NALCN: variants seen among roughly 807,000 people sequenced by gnomAD.
NALCN encodes sodium leak channel NALCN.
In NALCN, 111 loss-of-function variants were observed where a neutral mutation model predicts 225.3. That is an observed-to-expected ratio of 0.49 (90% confidence interval 0.42 to 0.58). The LOEUF (loss-of-function observed/expected upper bound fraction) is 0.58. Ranked by LOEUF, NALCN falls within the 20% of genes least tolerant of loss-of-function variation. NALCN has a pLI of 0.00. For missense variants in NALCN, 1,378 were observed against 2,202.4 expected (o/e 0.63, Z 7.49); for synonymous variants, 764 against 769.0 (o/e 0.99, Z 0.11).
At chr13:101,101,043 A>G (rs922145447) in intron 26 of NALCN, among the ~76,000 whole-genome samples, 155 bp from the exon 27 acceptor site, 1 of 152,148 alleles carries the variant, frequency 6.6e-6, no homozygotes, top group African/African-American at 2.4e-5. Context: ...AGGTCACACA[A>G]TTAGCCTTAC....
chr13:101,233,135 T>C (rs2041416941), intron 12 of NALCN, among the ~76,000 whole-genome samples: 1 of 152,150 alleles, frequency 6.6e-6, no homozygotes, highest in South Asian at 2.1e-4. Flanking sequence ...TAAAGATTTT[T>C]GATTTTGTGT....
chr13:101,375,544 T>A (rs1043150789), intron 6 of NALCN, among the ~76,000 whole-genome samples: 1 of 152,200 alleles, frequency 6.6e-6, no homozygotes, highest in African/African-American at 2.4e-5. Flanking sequence ...AACTCAATGA[T>A]CCTTATATAC....
chr13:101,355,672 T>G (rs527568223), intron 6 of NALCN, among the ~76,000 whole-genome samples: 16 of 152,292 alleles, frequency 1.1e-4, no homozygotes, highest in African/African-American at 3.8e-4. Flanking sequence ...TATTCAGGAC[T>G]TGAACTCAGC....
chr13:101,324,169 C>A (rs1457158648), intron 7 of NALCN, among the ~76,000 whole-genome samples: 4 of 152,174 alleles, frequency 2.6e-5, no homozygotes, highest in African/African-American at 9.7e-5. Context: ...CATTTGGTCA[C>A]CGCCAATTAG....
chr13:101,129,009 G>A (rs901840879), intron 17 of NALCN, among the ~76,000 whole-genome samples: 2 of 152,202 alleles, frequency 1.3e-5, no homozygotes, highest in Non-Finnish European at 2.9e-5. Context: ...GCCATAGGTG[G>A]TGTCAGATTC....
chr13:101,406,893 C>T (rs1305063797), intron 1 of NALCN, among the ~76,000 whole-genome samples: 5 of 152,130 alleles, frequency 3.3e-5, no homozygotes, highest in Non-Finnish European at 5.9e-5. Flanking sequence ...CAGATCTCTC[C>T]ATTTCCTAAA....
intron 4 of NALCN, among the ~76,000 whole-genome samples, chr13:101,377,473 A>C (rs1404425428): frequency 1.3e-5 from 2 of 152,220 alleles, no homozygotes; most frequent in Non-Finnish European, 2.9e-5. Context: ...GCAAAATAAT[A>C]ATTTGAAATG....
At chr13:101,281,714 G>A (rs2043174448) in intron 10 of NALCN, among the ~76,000 whole-genome samples, 1 of 151,946 alleles carries the variant, frequency 6.6e-6, no homozygotes, top group Admixed American at 6.6e-5. Context: ...GGGAAAATTG[G>A]AACACCATAT....
At chr13:101,145,374 G>A (rs558754076) in intron 15 of NALCN, among the ~76,000 whole-genome samples, 36 of 152,220 alleles carry the variant, frequency 2.4e-4, no homozygotes, top group East Asian at 1.4e-3. Flanking sequence ...TGGTTATGTC[G>A]CCTAGCAGAT....
At position 101,111,145 on chromosome 13, in the gene NALCN, A is replaced by G; in HGVS notation, c.2274T>C (p.His758=). 1 of 1,608,294 alleles carries G rather than the reference A, an allele frequency of 6.2e-7. No individual in the cohort carries two copies. The highest frequency in any genetic ancestry group is 1.1e-5 in the South Asian group (1 of 90,816). ...AKERSILSVQ[H]HIRQERRSLR... is the part of the protein sequence containing the mutation. The stretch of plus-strand genomic sequence containing the variant: ...TTTACCTGCGCTCTTGGCGGATATG[A>G]TGCTGCACGCTGAGGATTGACCTCT... The change falls in exon 19 of 44, where the codon CAT becomes CAC. Residue 758 remains histidine, a synonymous_variant. Transcript: ENST00000251127.
chr13:101,336,908 A>G (rs1198610468), intron 7 of NALCN, among the ~76,000 whole-genome samples: 1 of 152,220 alleles, frequency 6.6e-6, no homozygotes, highest in East Asian at 1.9e-4. Context: ...TTTAGTTCAA[A>G]TACACACAAA....
chr13:101,312,626 T>G (rs573232222), intron 7 of NALCN, among the ~76,000 whole-genome samples: 1 of 152,140 alleles, frequency 6.6e-6, no homozygotes, highest in South Asian at 2.1e-4. Flanking sequence ...GTACCCAGTA[T>G]TCATTCAGGA....
intron 10 of NALCN, among the ~76,000 whole-genome samples, chr13:101,277,414 C>G (rs1050021368): frequency 6.6e-6 from 1 of 152,072 alleles, no homozygotes; most frequent in African/African-American, 2.4e-5. Flanking sequence ...TTTGGAATCA[C>G]TGAAATGTGT....
At chr13:101,116,511 G>A (rs1239325870) in intron 18 of NALCN, 1 of 516,854 alleles carries the variant, frequency 1.9e-6, no homozygotes, top group Admixed American at 2.0e-5. Flanking sequence ...AGTAGCAGGG[G>A]GTCCCCGGTT....
At chr13:101,311,274 G>C (rs1170041808) in intron 7 of NALCN, among the ~76,000 whole-genome samples, 2 of 151,714 alleles carry the variant, frequency 1.3e-5, no homozygotes, top group East Asian at 1.9e-4. Context: ...AGACAATGGG[G>C]TTTTCTAGAT....
intron 10 of NALCN, among the ~76,000 whole-genome samples, chr13:101,274,624 AT>A (rs1338748672): frequency 1.3e-5 from 2 of 152,156 alleles, no homozygotes; most frequent in South Asian, 4.1e-4. Flanking sequence ...CAGAATATGT[AT>A]TTTTTAAATG....
intron 6 of NALCN, among the ~76,000 whole-genome samples, chr13:101,347,047 CT>C (rs140086991): frequency 0.02 from 3,069 of 152,032 alleles, 111 homozygotes; most frequent in African/African-American, 0.07. Flanking sequence ...GCTTCCATCC[CT>C]TTTATAATAT....
intron 30 of NALCN, among the ~76,000 whole-genome samples, chr13:101,085,956 A>G (rs1455545546): frequency 6.6e-6 from 1 of 152,038 alleles, no homozygotes; most frequent in Non-Finnish European, 1.5e-5. Context: ...TTCTACATAC[A>G]TGGGTCCCTG....
At position 101,104,823 on chromosome 13, in the gene NALCN, C is replaced by G. The variant is rs2035013386; in HGVS notation, c.2636+71G>C. 3 of 1,567,130 alleles carry G rather than the reference C, an allele frequency of 1.9e-6. No homozygotes were observed. The Admixed American group carries it at 5.2e-5, about 27-fold the overall frequency. On this transcript the variant is annotated intron_variant, in intron 23 of 43. Coordinates refer to ENST00000251127, the MANE Select transcript of NALCN (RefSeq NM_052867.4). This position sits in a 1 kb window ranked among gnomAD's most constrained non-coding sequence, Gnocchi z 4.2. ...CAAGAAAATAAAAGAGAATTTTAATCGTTGTATGCAGCATAAAATAGTACA... is the reference window on the plus strand; with the variant it reads ...CAAGAAAATAAAAGAGAATTTTAATGGTTGTATGCAGCATAAAATAGTACA...
Sources: gnomAD v4.1 joint callset for allele counts (sites outside exome capture counted in the v4.1 genomes callset) on GRCh38, gnomAD v4.1.1 for gene constraint, Gnocchi (gnomAD v3.1) non-coding constraint, MANE v1.5 for transcripts, NCBI Gene and HGNC (gene_info 2026-07-23, HGNC 2026-07-21) for gene names.